The following FAM220A variants were observed in gnomAD, a reference collection of about 807,000 sequenced individuals.
FAM220A encodes protein FAM220A.
For synonymous variants in FAM220A, 141 were observed against 130.7 expected, an observed-to-expected ratio of 1.08 and a Z score of -0.54; for missense variants, 392 against 321.6, an observed-to-expected ratio of 1.22 and a Z score of -1.68.
At chr7:6,332,602 G>A (rs1583235966) in intron 1 of FAM220A, among the ~76,000 whole-genome samples, 2 of 152,276 alleles carry the variant, frequency 1.3e-5, no homozygotes, top group Admixed American at 1.3e-4. Flanking sequence ...GGAGGCTGAT[G>A]TGGGAGGATT....
chr7:6,332,662 T>C (rs1781660381), intron 1 of FAM220A, among the ~76,000 whole-genome samples: 1 of 151,880 alleles, frequency 6.6e-6, no homozygotes, highest in South Asian at 2.1e-4. Flanking sequence ...CGAGTCACTC[T>C]GCCCTCTGAC....
In FAM220A at chr7:6,333,603, ATCC is replaced by A. The variant is rs746874235; in HGVS notation, c.-81-2371_-81-2369del. Among the ~76,000 whole-genome samples the A allele has an allele frequency of 1.5e-3, 232 of 151,976 alleles. 2 individuals carry two copies. In the Middle Eastern group the frequency reaches 0.031, roughly 20 times the overall value. ...AGCCTGTAACTTCTGGGCTCAAGCA[ATCC>A]TCCTAATTCAGCCTCCTGTGTCACT... On this transcript the variant is annotated intron_variant, in intron 1 of 1. Transcript: ENST00000313324.
At chr7:6,347,199 T>G (rs755629) in intron 1 of FAM220A, among the ~76,000 whole-genome samples, 62,910 of 152,010 alleles carry the variant, frequency 0.41, 13,762 homozygotes, top group East Asian at 0.88. Flanking sequence ...AAAAGGCAAC[T>G]GGAATTCAAG....
At chr7:6,339,693 G>T (rs921255313) in intron 1 of FAM220A, among the ~76,000 whole-genome samples, 1 of 151,698 alleles carries the variant, frequency 6.6e-6, no homozygotes, top group Non-Finnish European at 1.5e-5. Flanking sequence ...CCATGGTCTC[G>T]ATCTCCTGAC....
At chr7:6,334,435 G>C (rs1781705809) in intron 1 of FAM220A, among the ~76,000 whole-genome samples, 1 of 151,742 alleles carries the variant, frequency 6.6e-6, no homozygotes, top group South Asian at 2.1e-4. Context: ...ACTCGGGAGG[G>C]TGAGGCAGGA....
chr7:6,333,296 G>A (rs188787627), intron 1 of FAM220A, among the ~76,000 whole-genome samples: 119 of 152,206 alleles, frequency 7.8e-4, no homozygotes, highest in African/African-American at 2.8e-3. Context: ...ACAGGGAGCC[G>A]GTGATTGGAG....
At position 6,348,546 on chromosome 7, in the gene FAM220A, G is replaced by A. The variant is rs575764120; in HGVS notation, c.-82+27C>T. 434 of 424,182 alleles carry A rather than the reference G, an allele frequency of 1.0e-3. 1 individual carries two copies. Among genetic ancestry groups the A allele is most frequent in the African/African-American group, 7.6e-3 (373 of 48,872 alleles). 26.3% of individuals were successfully genotyped at this position (424,182 alleles called of 1,614,324 possible). On this transcript the variant is annotated intron_variant, in intron 1 of 1. Transcript: ENST00000313324. The stretch of plus-strand genomic sequence containing the variant: ...CGAGGCGGGCGCTCGGGGAGGGCCG[G>A]GGGCCGGGCAGGCACGGCTCACCCA...
chr7:6,334,789 A>C (rs1781712907), intron 1 of FAM220A, among the ~76,000 whole-genome samples: 1 of 126,984 alleles, frequency 7.9e-6, no homozygotes. Flanking sequence ...AGTTATTTTG[A>C]AATGGAGTTT....
At chr7:6,347,419 G>C (rs1781974106) in intron 1 of FAM220A, among the ~76,000 whole-genome samples, 1 of 152,016 alleles carries the variant, frequency 6.6e-6, no homozygotes, top group Admixed American at 6.6e-5. Context: ...AGGAGGCTGA[G>C]TCAGGAGAAT....
chr7:6,341,687 CAAA>C (rs536695454), intron 1 of FAM220A, among the ~76,000 whole-genome samples: 5 of 110,734 alleles, frequency 4.5e-5, no homozygotes, highest in Non-Finnish European at 5.7e-5. Flanking sequence ...AAGACTCTGT[CAAA>C]AAAAAAAAAA....
chr7:6,334,768 G>T (rs575634432), intron 1 of FAM220A, among the ~76,000 whole-genome samples: 1 of 148,570 alleles, frequency 6.7e-6, no homozygotes, highest in Non-Finnish European at 1.5e-5. Context: ...GCCCAGCCTG[G>T]ATAGTTAGTT....
chr7:6,344,832 C>T (rs904921233), intron 1 of FAM220A, among the ~76,000 whole-genome samples: 1 of 151,760 alleles, frequency 6.6e-6, no homozygotes, highest in Non-Finnish European at 1.5e-5. Context: ...CCTCCACCTC[C>T]CAGGGTTCAA....
At chr7:6,336,050 G>C (rs1781739904) in intron 1 of FAM220A, among the ~76,000 whole-genome samples, 1 of 151,868 alleles carries the variant, frequency 6.6e-6, no homozygotes, top group South Asian at 2.1e-4. Flanking sequence ...GTGCACACCT[G>C]TGGTCTCAGC....
rs1781600982 is a variant in FAM220A at position 6,330,268 on chromosome 7, A to G, written c.*107T>C. 4 of 1,112,796 alleles carry G rather than the reference A, an allele frequency of 3.6e-6. No individual in the cohort carries two copies. Among genetic ancestry groups the G allele is most frequent in the African/African-American group, 3.2e-5 (2 of 63,078 alleles). The allele number at this position is 1,112,796 out of a possible 1,614,324, so 68.9% of individuals were successfully genotyped here. ...TAAGTCTGCCAGGTCGTACAAAACT[A>G]CAGCAGGAACCTAAGGGCTGCACAG... On this transcript the variant is annotated 3_prime_UTR_variant, in exon 2 of 2. Coordinates refer to ENST00000313324, the MANE Select transcript of FAM220A (RefSeq NM_001037163.2).
At chr7:6,331,566 G>A (rs186128896) in intron 1 of FAM220A, among the ~76,000 whole-genome samples, 132 of 152,014 alleles carry the variant, frequency 8.7e-4, no homozygotes, top group Non-Finnish European at 1.4e-3. Flanking sequence ...ATTTTTAATA[G>A]AGACAAGGTT....
intron 1 of FAM220A, among the ~76,000 whole-genome samples, chr7:6,348,046 G>A (rs1435807449): frequency 6.6e-6 from 1 of 151,362 alleles, no homozygotes; most frequent in Non-Finnish European, 1.5e-5. Context: ...GAGTAGCTGG[G>A]ATTACAGGCA....
intron 1 of FAM220A, among the ~76,000 whole-genome samples, chr7:6,337,794 A>ATTATTTAT (rs142856746): frequency 0.023 from 3,464 of 150,554 alleles, 238 homozygotes; most frequent in African/African-American, 0.082. Context: ...ATTTCAATAC[A>ATTATTTAT]TTATTTATTT....
intron 1 of FAM220A, among the ~76,000 whole-genome samples, chr7:6,332,241 C>A (rs963891504): frequency 1.3e-5 from 2 of 152,044 alleles, no homozygotes; most frequent in Non-Finnish European, 2.9e-5. Flanking sequence ...TGTCTCTGAG[C>A]TGCTTTACAA....
rs1384299029 is a variant in FAM220A at position 6,330,844 on chromosome 7, A to G, written c.311T>C (p.Val104Ala). 1.9e-6 allele frequency: 3 copies of G among 1,613,952 alleles called. No individual in the cohort carries two copies. The highest frequency in any genetic ancestry group is 2.2e-5 in the East Asian group (1 of 44,884). ...CTCTGTTGGAGCAGGGAACAAACCCACGGCTGTGCTCGGAGTGGCTGCTGA... is the reference window on the plus strand; with the variant it reads ...CTCTGTTGGAGCAGGGAACAAACCCGCGGCTGTGCTCGGAGTGGCTGCTGA... ...PASAATPSTA[V>A]GLFPAPTECF... The change falls in exon 2 of 2, where the codon GTG becomes GCG. Residue 104 changes from valine to alanine, a missense_variant. By Grantham distance (64) the Val-to-Ala change is moderately conservative. Coordinates refer to ENST00000313324, the MANE Select transcript of FAM220A (RefSeq NM_001037163.2).
Sources: allele counts gnomAD v4.1 joint callset (sites outside exome capture counted in the v4.1 genomes callset), GRCh38; gene constraint gnomAD v4.1.1; transcripts MANE v1.5; gene names NCBI Gene and HGNC (gene_info 2026-07-23, HGNC 2026-07-21).